Variants in ROR1 observed in about 807,000 individuals in gnomAD.
ROR1 encodes inactive tyrosine-protein kinase transmembrane receptor ROR1.
Under a neutral mutation model 78.8 loss-of-function variants are expected in ROR1, and 19 were observed. The observed-to-expected ratio is 0.24, with a 90% CI of 0.17 to 0.35. ROR1 has a LOEUF of 0.35. Ranked by LOEUF, ROR1 falls within the 10% of genes least tolerant of loss-of-function variation. The probability of loss-of-function intolerance (pLI) is 1.00; values close to 1 mark genes in which losing one functional copy is unlikely to be tolerated. For missense variants in ROR1, 917 were observed against 1,177.8 expected, an observed-to-expected ratio of 0.78 and a Z score of 3.24; for synonymous variants, 386 against 433.6, an observed-to-expected ratio of 0.89 and a Z score of 1.36.
chr1:64,179,026 A>C lies in ROR1; in HGVS notation c.*171A>C. The C allele has an allele frequency of 7.5e-4, 56 of 74,664 alleles. No individual in the cohort carries two copies. Among genetic ancestry groups the C allele is most frequent in the East Asian group, 2.5e-3 (11 of 4,356 alleles). 4.6% of individuals were successfully genotyped at this position (74,664 alleles called of 1,614,324 possible). The stretch of plus-strand genomic sequence containing the variant: ...CAAGCAGGACAGACACTCGGCCAGA[A>C]AAAAAAAAAAAAAAAAAAAACAAGC... On this transcript the variant is annotated 3_prime_UTR_variant, in exon 9 of 9. Coordinates refer to ENST00000371079, the MANE Select transcript of ROR1 (RefSeq NM_005012.4).
At chr1:64,114,949 G>A (rs1335022308) in intron 4 of ROR1, among the ~76,000 whole-genome samples, 1 of 152,078 alleles carries the variant, frequency 6.6e-6, no homozygotes, top group African/African-American at 2.4e-5. Context: ...GGTAAAATAG[G>A]TAAAAATAAG....
At chr1:63,999,223 G>A (rs749928562) in intron 1 of ROR1, among the ~76,000 whole-genome samples, 25 of 152,268 alleles carry the variant, frequency 1.6e-4, no homozygotes, top group Admixed American at 4.6e-4. Context: ...AAGTTTGCAG[G>A]CAAAGACAGA....
intron 2 of ROR1, among the ~76,000 whole-genome samples, chr1:64,033,306 G>A (rs74967066): frequency 0.012 from 1,796 of 152,114 alleles, 36 homozygotes; most frequent in African/African-American, 0.042. Flanking sequence ...TTGCATATAC[G>A]TGGTTGCATC....
intron 4 of ROR1, among the ~76,000 whole-genome samples, chr1:64,127,516 C>G (rs938758077): frequency 4.6e-5 from 7 of 151,588 alleles, no homozygotes; most frequent in African/African-American, 1.7e-4. Flanking sequence ...GTCTCTCTCT[C>G]TCTCTGTCTC....
At chr1:64,142,713 CTTA>C (rs1179379386) in intron 7 of ROR1, 63 bp downstream of exon 7, 11 of 1,592,970 alleles carry the variant, frequency 6.9e-6, no homozygotes, top group Non-Finnish European at 7.7e-6. Flanking sequence ...TCCTACCCCT[CTTA>C]TTTAGGAGAA....
chr1:63,805,003 C>T (rs1462294673), intron 1 of ROR1, among the ~76,000 whole-genome samples: 1 of 152,196 alleles, frequency 6.6e-6, no homozygotes, highest in African/African-American at 2.4e-5. Flanking sequence ...CTCAGTAATG[C>T]ATTTAGTCCC....
chr1:63,868,690 T>C (rs1362919546), intron 1 of ROR1, among the ~76,000 whole-genome samples: 2 of 152,176 alleles, frequency 1.3e-5, no homozygotes, highest in Non-Finnish European at 2.9e-5. Flanking sequence ...GATAACCATG[T>C]GAGTTCAGGG....
At chr1:64,079,420 G>T (rs566943873) in intron 4 of ROR1, among the ~76,000 whole-genome samples, 1 of 151,760 alleles carries the variant, frequency 6.6e-6, no homozygotes, top group East Asian at 1.9e-4. Context: ...AGCCAATTTT[G>T]GCATTCTTGC....
intron 8 of ROR1, among the ~76,000 whole-genome samples, chr1:64,163,669 A>G (rs745532190): frequency 8.5e-5 from 13 of 152,230 alleles, no homozygotes; most frequent in Admixed American, 4.6e-4. Context: ...CTTCCAGACA[A>G]TTCATCTCTC....
chr1:63,873,759 T>C (rs987026289), intron 1 of ROR1, among the ~76,000 whole-genome samples: 125 of 151,944 alleles, frequency 8.2e-4, no homozygotes, highest in Middle Eastern at 6.8e-3. Context: ...GCCACACTAA[T>C]AGCAAAACTA....
chr1:63,785,063 T>C lies in ROR1; in HGVS notation c.91+10555T>C, dbSNP rs184435122. ...TAAGGTAAAAATAGAACATGCTGCC[T>C]GAAATCCTAGATACCCTGGAAAGGC... On this transcript the variant is annotated intron_variant, in intron 1 of 8. Coordinates refer to ENST00000371079, the MANE Select transcript of ROR1 (RefSeq NM_005012.4). 3.3e-3 allele frequency among the ~76,000 whole-genome samples: 497 copies of C among 152,368 alleles called. 7 individuals carry two copies. Among genetic ancestry groups the C allele is most frequent in the Admixed American group, 0.022 (332 of 15,300 alleles).
chr1:63,994,567 G>T lies in ROR1; in HGVS notation c.92-14738G>T, dbSNP rs76944023. On this transcript the variant is annotated intron_variant, in intron 1 of 8. Transcript: ENST00000371079. Reference sequence around the variant, plus strand: ...CAGAAAAAATGCAGACAATGGAGAAGGCTTGTGGGGAAAGGCCTGAAGAAG... The same window carrying T: ...CAGAAAAAATGCAGACAATGGAGAATGCTTGTGGGGAAAGGCCTGAAGAAG... Among the ~76,000 whole-genome samples the T allele has an allele frequency of 3.4e-3, 520 of 152,280 alleles. 6 individuals carry two copies. The highest frequency in any genetic ancestry group is 0.012 in the African/African-American group (503 of 41,560).
chr1:63,882,237 G>A (rs2100375988), intron 1 of ROR1, among the ~76,000 whole-genome samples: 1 of 152,202 alleles, frequency 6.6e-6, no homozygotes. Flanking sequence ...TTTGTACTGG[G>A]AAACTTTGCC....
intron 4 of ROR1, among the ~76,000 whole-genome samples, chr1:64,127,512 C>T (rs999343193): frequency 6.6e-6 from 1 of 151,516 alleles, no homozygotes; most frequent in Non-Finnish European, 1.5e-5. Flanking sequence ...CTCTGTCTCT[C>T]TCTCTCTCTG....
chr1:63,879,457 A>G (rs930469055), intron 1 of ROR1, among the ~76,000 whole-genome samples: 3 of 152,138 alleles, frequency 2.0e-5, no homozygotes, highest in Non-Finnish European at 4.4e-5. Context: ...GTCTGAGATG[A>G]GGGCCGATGC....
chr1:63,932,920 G>C (rs765618477), intron 1 of ROR1, among the ~76,000 whole-genome samples: 1 of 152,082 alleles, frequency 6.6e-6, no homozygotes, highest in Non-Finnish European at 1.5e-5. Context: ...TAGAGTGGGT[G>C]GTGACAGTTC....
chr1:63,941,091 A>G lies in ROR1; in HGVS notation c.92-68214A>G, dbSNP rs180916912. 3.7e-4 allele frequency among the ~76,000 whole-genome samples: 57 copies of G among 152,344 alleles called. 1 individual carries two copies. In the East Asian group the frequency reaches 8.5e-3, roughly 23 times the overall value. ...GAACTGTTCTAAGTTAAAGGAGACT[A>G]AAGAGACATGGTCACTAAATGCAAT... On this transcript the variant is annotated intron_variant, in intron 1 of 8. Coordinates refer to ENST00000371079, the MANE Select transcript of ROR1 (RefSeq NM_005012.4).
In ROR1 at chr1:64,180,328, TAA is replaced by T. The variant is rs1210961012; in HGVS notation, c.*1474_*1475del. 1 of 152,228 alleles carries T rather than the reference TAA, an allele frequency of 6.6e-6. No individual in the cohort carries two copies. The highest frequency in any genetic ancestry group is 1.5e-5 in the Non-Finnish European group (1 of 68,036). The allele number at this position is 152,228 out of a possible 1,614,324, so 9.4% of individuals were successfully genotyped here. A position where few individuals can be genotyped will look rare whatever the true frequency, so the allele number is the denominator to read the frequency against. On this transcript the variant is annotated 3_prime_UTR_variant, in exon 9 of 9. Transcript: ENST00000371079. ...AAGTCTCATTTTTACTTTAAAGGTA[TAA>T]GAGACTTCTAAAGAGACTTACGGGA...
At chr1:64,055,658 T>C (rs1434018748) in intron 4 of ROR1, among the ~76,000 whole-genome samples, 3 of 152,246 alleles carry the variant, frequency 2.0e-5, no homozygotes, top group Non-Finnish European at 2.9e-5. Flanking sequence ...CCCTGTGTAT[T>C]TTTTGTATGT....
Sources: allele counts gnomAD v4.1 joint callset (sites outside exome capture counted in the v4.1 genomes callset), GRCh38; gene constraint gnomAD v4.1.1; transcripts MANE v1.5; gene names NCBI Gene and HGNC (gene_info 2026-07-23, HGNC 2026-07-21).